Variants in SYT1 observed in about 807,000 individuals in gnomAD.
SYT1 encodes synaptotagmin-1.
SYT1 carries 8 observed loss-of-function variants against 44.8 expected under a neutral mutation model. That is an observed-to-expected ratio of 0.18 (90% CI 0.10 to 0.32). The LOEUF is 0.32. Among genes scored for constraint, SYT1 ranks in the 10% least tolerant of loss-of-function variants. SYT1 has a pLI of 1.00. For synonymous variants in SYT1, 154 were observed against 188.8 expected, an observed-to-expected ratio of 0.82 and a Z score of 1.51; for missense variants, 286 against 509.3, an observed-to-expected ratio of 0.56 and a Z score of 4.22.
At chr12:79,085,067 C>G (rs12309802) in intron 3 of SYT1, among the ~76,000 whole-genome samples, 16,648 of 152,002 alleles carry the variant, frequency 0.11, 970 homozygotes, top group African/African-American at 0.12. Flanking sequence ...TTGTATGAAG[C>G]AAAGTTTGTG....
At chr12:78,999,882 C>T (rs1165129342) in intron 2 of SYT1, among the ~76,000 whole-genome samples, 2 of 152,152 alleles carry the variant, frequency 1.3e-5, no homozygotes, top group African/African-American at 4.8e-5. Flanking sequence ...TAAATAAGCA[C>T]TTGCACTTAA....
chr12:78,871,818 A>G (rs1873835889), intron 1 of SYT1, among the ~76,000 whole-genome samples: 1 of 151,940 alleles, frequency 6.6e-6, no homozygotes, highest in South Asian at 2.1e-4. Context: ...TTGAAGACTG[A>G]ATAAAGTGAA....
At chr12:78,913,125 T>C (rs1006589517) in intron 1 of SYT1, among the ~76,000 whole-genome samples, 5 of 151,804 alleles carry the variant, frequency 3.3e-5, no homozygotes, top group African/African-American at 1.2e-4. Context: ...TGAAGAAGGC[T>C]TATTTTTAAG....
chr12:79,065,435 G>A (rs1339079062), intron 3 of SYT1, among the ~76,000 whole-genome samples: 1 of 152,088 alleles, frequency 6.6e-6, no homozygotes, highest in Non-Finnish European at 1.5e-5. Context: ...GCACAAAGGT[G>A]CCATGCATAT....
chr12:78,904,906 C>T (rs1353188728), intron 1 of SYT1, among the ~76,000 whole-genome samples: 1 of 152,236 alleles, frequency 6.6e-6, no homozygotes, highest in East Asian at 1.9e-4. Context: ...ATAGAATCAA[C>T]TTTCACTTAA....
chr12:79,121,180 C>A (rs571726906), intron 3 of SYT1, among the ~76,000 whole-genome samples: 1 of 152,084 alleles, frequency 6.6e-6, no homozygotes, highest in South Asian at 2.1e-4. Flanking sequence ...CTCTGGCAAA[C>A]CCATTTTCCA....
In SYT1 at chr12:78,892,118, A is replaced by G. The variant is rs568868960; in HGVS notation, c.-217+27009A>G. 2.0e-5 allele frequency among the ~76,000 whole-genome samples: 3 copies of G among 151,894 alleles called. No individual in the cohort carries two copies. The East Asian group carries it at 5.8e-4, about 30-fold the overall frequency. ...ATATCATGTATGGTCTGCCTGAACT[A>G]TAGATCTGGCAAGTCCTTGAACTAT... On this transcript the variant is annotated intron_variant, in intron 1 of 10. Coordinates refer to ENST00000261205, the MANE Select transcript of SYT1 (RefSeq NM_005639.3).
intron 9 of SYT1, among the ~76,000 whole-genome samples, chr12:79,437,177 G>T (rs1170497125): frequency 6.6e-6 from 1 of 152,200 alleles, no homozygotes; most frequent in Non-Finnish European, 1.5e-5. Context: ...GGCTGTGAAT[G>T]TATGGTGGAG....
At chr12:79,287,390 C>T (rs1457201439) in intron 5 of SYT1, among the ~76,000 whole-genome samples, 3 of 152,052 alleles carry the variant, frequency 2.0e-5, no homozygotes, top group African/African-American at 4.8e-5. Flanking sequence ...ACTAAAATTT[C>T]CAGGCATGTC....
At chr12:79,390,497 T>C (rs1884614993) in intron 9 of SYT1, among the ~76,000 whole-genome samples, 1 of 152,108 alleles carries the variant, frequency 6.6e-6, no homozygotes, top group African/African-American at 2.4e-5. Context: ...CCCCTCACAG[T>C]GCTTGCAGGC....
At chr12:78,872,226 G>T (rs1873857653) in intron 1 of SYT1, among the ~76,000 whole-genome samples, 1 of 151,882 alleles carries the variant, frequency 6.6e-6, no homozygotes, top group South Asian at 2.1e-4. Flanking sequence ...TTGTAAAAAA[G>T]TACTTGATAT....
At position 79,450,358 on chromosome 12, in the gene SYT1, A is replaced by ATCT. The variant is rs1870984207; in HGVS notation, c.*1236_*1238dup. ...ATTAAGCCAAAACAGACAGCTAGTG[A>ATCT]TCTTTTTATATGCTCTTTTTACTTA... On this transcript the variant is annotated 3_prime_UTR_variant, in exon 11 of 11. Coordinates refer to ENST00000261205, the MANE Select transcript of SYT1 (RefSeq NM_005639.3). The ATCT allele has an allele frequency of 6.6e-6, 1 of 152,648 alleles. No homozygotes were observed. Among genetic ancestry groups the ATCT allele is most frequent in the Non-Finnish European group, 1.5e-5 (1 of 68,032 alleles). 9.5% of individuals were successfully genotyped at this position (152,648 alleles called of 1,614,324 possible).
chr12:78,892,280 A>T (rs1355367130), intron 1 of SYT1, among the ~76,000 whole-genome samples: 1 of 151,738 alleles, frequency 6.6e-6, no homozygotes, highest in Non-Finnish European at 1.5e-5. Flanking sequence ...CCTACCTACT[A>T]CCTACCACTA....
At chr12:79,442,371 ATTT>A (rs954911023) in intron 9 of SYT1, among the ~76,000 whole-genome samples, 1 of 151,724 alleles carries the variant, frequency 6.6e-6, no homozygotes, top group African/African-American at 2.4e-5. Context: ...TTTACAGTGG[ATTT>A]TTTTTTAACT....
At chr12:78,902,185 A>T (rs933838440) in intron 1 of SYT1, among the ~76,000 whole-genome samples, 8 of 134,898 alleles carry the variant, frequency 5.9e-5, no homozygotes, top group Admixed American at 5.1e-4. Flanking sequence ...TTAAAGTATA[A>T]TAATAAATAT....
intron 9 of SYT1, among the ~76,000 whole-genome samples, chr12:79,412,868 T>A (rs560866856): frequency 8.5e-5 from 13 of 152,286 alleles, no homozygotes; most frequent in East Asian, 3.9e-4. Context: ...ATAATTTTTT[T>A]AAATTCTTTA....
chr12:79,077,248 T>G (rs1166368956), intron 3 of SYT1, among the ~76,000 whole-genome samples: 1 of 152,164 alleles, frequency 6.6e-6, no homozygotes, highest in African/African-American at 2.4e-5. Context: ...AGAAATGGGC[T>G]ACTTTGCCCA....
chr12:79,098,259 G>A (rs925311576), intron 3 of SYT1, among the ~76,000 whole-genome samples: 4 of 152,000 alleles, frequency 2.6e-5, no homozygotes, highest in African/African-American at 4.8e-5. Context: ...CCACGACACT[G>A]TCATCTCCAA....
At chr12:79,083,641 A>G (rs1877186011) in intron 3 of SYT1, among the ~76,000 whole-genome samples, 3 of 152,308 alleles carry the variant, frequency 2.0e-5, no homozygotes, top group Non-Finnish European at 2.9e-5. Context: ...ATGCATTTAT[A>G]TACAATCTTT....
Sources: gnomAD v4.1 joint callset for allele counts (sites outside exome capture counted in the v4.1 genomes callset) on GRCh38, gnomAD v4.1.1 for gene constraint, MANE v1.5 for transcripts, NCBI Gene and HGNC (gene_info 2026-07-23, HGNC 2026-07-21) for gene names.